The following TMEM132D variants were observed in gnomAD, a reference collection of about 807,000 sequenced individuals.
TMEM132D encodes the protein transmembrane protein 132D, also known as mature OL transmembrane protein.
TMEM132D carries 21 observed loss-of-function variants against 62.3 expected under a neutral mutation model. The observed-to-expected ratio is 0.34, with a 90% CI of 0.24 to 0.49. The LOEUF (loss-of-function observed/expected upper bound fraction) is 0.49, where lower values mean the gene tolerates loss of function less well. TMEM132D is among the 20% of genes least tolerant of loss of function. The pLI is 0.99. For missense variants in TMEM132D, 1,346 were observed against 1,402.8 expected (o/e 0.96, Z 0.65); for synonymous variants, 621 against 575.6 (o/e 1.08, Z -1.13).
intron 5 of TMEM132D, among the ~76,000 whole-genome samples, chr12:129,149,915 C>T (rs1877022606): frequency 1.3e-5 from 2 of 152,256 alleles, no homozygotes; most frequent in East Asian, 3.8e-4. Flanking sequence ...GTGTGTAAGA[C>T]TTTCATGCTT....
chr12:129,903,277 G>T lies in TMEM132D; in HGVS notation c.63C>A (p.Ala21=). 1 of 1,553,722 alleles carries T rather than the reference G, an allele frequency of 6.4e-7. No individual in the cohort carries two copies. The highest frequency in any genetic ancestry group is 8.7e-7 in the Non-Finnish European group (1 of 1,148,234). The part of the protein sequence containing the change: ...HHWSPVLISL[A]ALFSKVTEGR... ...CGTCCTCACCTTTGGAAAACAGGGC[G>T]GCCAGGCTGATGAGTACCGGCGACC... is the stretch of plus-strand genomic sequence containing the variant. The change falls in exon 1 of 9, where the codon GCC becomes GCA. Residue 21 remains alanine (A), a synonymous_variant. Coordinates refer to ENST00000422113, the MANE Select transcript of TMEM132D (RefSeq NM_133448.3). This position sits in a 1 kb window ranked among gnomAD's most constrained non-coding sequence, Gnocchi z 6.2.
At chr12:129,781,362 TGA>T (rs1871113198) in intron 1 of TMEM132D, among the ~76,000 whole-genome samples, 1 of 152,226 alleles carries the variant, frequency 6.6e-6, no homozygotes, top group Non-Finnish European at 1.5e-5. Flanking sequence ...TGGTCAGGTA[TGA>T]GACATGTTTC....
At chr12:129,683,051 C>T (rs537755031) in intron 2 of TMEM132D, 3 of 151,888 alleles carry the variant, frequency 2.0e-5, no homozygotes, top group South Asian at 4.2e-4. Flanking sequence ...ACTGGTAATC[C>T]CCAGCACCAA....
rs987627683 is a variant in TMEM132D, at chr12:129,211,759, G to T, written c.1300-2096C>A. Among the ~76,000 whole-genome samples the T allele has an allele frequency of 3.3e-5, 5 of 152,176 alleles. No homozygotes were observed. In the South Asian group the frequency reaches 6.2e-4, roughly 19 times the overall value. On this transcript the variant is annotated intron_variant, in intron 4 of 8. Coordinates refer to ENST00000422113, the MANE Select transcript of TMEM132D (RefSeq NM_133448.3). The stretch of plus-strand genomic sequence containing the variant: ...GTTGGAATATGCATAGGCCTTCAAA[G>T]TCCCATTATCCATACACTTTTTCTC...
chr12:129,790,621 G>GA lies in TMEM132D; in HGVS notation c.80-89924dup, dbSNP rs1240573990. Among the ~76,000 whole-genome samples, 8 of 152,244 alleles carry GA rather than the reference G, an allele frequency of 5.3e-5. No individual in the cohort carries two copies. In the East Asian group the frequency reaches 1.6e-3, roughly 30 times the overall value. On this transcript the variant is annotated intron_variant, in intron 1 of 8. Coordinates refer to ENST00000422113, the MANE Select transcript of TMEM132D (RefSeq NM_133448.3). ...GGAGCCTGGGGTTTTTACGGCACAG[G>GA]ATGGGGGGGCAGGGCAGGCCATGGG...
At chr12:129,344,377 G>A (rs568771084) in intron 3 of TMEM132D, among the ~76,000 whole-genome samples, 3 of 152,246 alleles carry the variant, frequency 2.0e-5, no homozygotes, top group South Asian at 4.1e-4. Context: ...AGAGGCCCCC[G>A]CCCCAAAGGA....
At chr12:129,153,740 G>C (rs1406776406) in intron 5 of TMEM132D, among the ~76,000 whole-genome samples, 6 of 152,304 alleles carry the variant, frequency 3.9e-5, no homozygotes, top group Non-Finnish European at 2.9e-5. Flanking sequence ...AGGGGCTCAG[G>C]TGTGCATCAG....
At chr12:129,824,712 C>T (rs1872619206) in intron 1 of TMEM132D, among the ~76,000 whole-genome samples, 1 of 152,336 alleles carries the variant, frequency 6.6e-6, no homozygotes, top group South Asian at 2.1e-4. Flanking sequence ...GACTTGCAGC[C>T]TTCAGACCAT....
At chr12:129,103,813 A>G (rs1875395234) in intron 5 of TMEM132D, among the ~76,000 whole-genome samples, 2 of 144,870 alleles carry the variant, frequency 1.4e-5, no homozygotes, top group African/African-American at 2.5e-5. Flanking sequence ...AGAATAAAAT[A>G]CCCAGGAATC....
intron 2 of TMEM132D, among the ~76,000 whole-genome samples, chr12:129,678,358 T>C (rs1880691649): frequency 6.6e-6 from 1 of 152,210 alleles, no homozygotes; most frequent in South Asian, 2.1e-4. Flanking sequence ...AATTATAACA[T>C]TGAAGCATTA....
At chr12:129,781,650 C>T (rs1045992352) in intron 1 of TMEM132D, among the ~76,000 whole-genome samples, 3 of 152,112 alleles carry the variant, frequency 2.0e-5, no homozygotes, top group African/African-American at 7.2e-5. Context: ...CATCTGCATC[C>T]CAGCCTGTAG....
At chr12:129,087,112 A>C (rs1874645290) in intron 5 of TMEM132D, among the ~76,000 whole-genome samples, 1 of 152,050 alleles carries the variant, frequency 6.6e-6, no homozygotes, top group Admixed American at 6.6e-5. Context: ...GAAACTTTCT[A>C]TCTTTGACCA....
chr12:129,609,224 A>T (rs567775600), intron 2 of TMEM132D, among the ~76,000 whole-genome samples: 4 of 152,142 alleles, frequency 2.6e-5, no homozygotes, highest in Admixed American at 1.3e-4. Context: ...GGATTACAGG[A>T]GTGAGCCACC....
intron 5 of TMEM132D, among the ~76,000 whole-genome samples, chr12:129,096,655 T>C (rs1875125991): frequency 6.6e-6 from 1 of 152,168 alleles, no homozygotes; most frequent in African/African-American, 2.4e-5. Flanking sequence ...TGACAGTGCT[T>C]TCTGGAAGAA....
chr12:129,481,098 C>CTGAGAGG (rs1874416089), intron 3 of TMEM132D, among the ~76,000 whole-genome samples: 1 of 151,976 alleles, frequency 6.6e-6, no homozygotes, highest in Non-Finnish European at 1.5e-5. Context: ...AGAACAAGGT[C>CTGAGAGG]CAAGGTGCCT....
chr12:129,275,809 C>T (rs913769207), intron 4 of TMEM132D, among the ~76,000 whole-genome samples: 55 of 152,150 alleles, frequency 3.6e-4, no homozygotes, highest in African/African-American at 1.3e-3. Flanking sequence ...GAGCAGGTCC[C>T]AGAAATAAGA....
Position 129,225,608 on chromosome 12 carries a change from T to C in TMEM132D, c.1300-15945A>G, listed in dbSNP as rs536342928. On this transcript the variant is annotated intron_variant, in intron 4 of 8. Transcript: ENST00000422113. ...AGTAGTATCTACCACAGAGAGTTCTTATGCGGATCCAATGAGTTAACGCAG... is the reference window on the plus strand; with the variant it reads ...AGTAGTATCTACCACAGAGAGTTCTCATGCGGATCCAATGAGTTAACGCAG... Among the ~76,000 whole-genome samples the C allele has an allele frequency of 5.9e-5, 9 of 152,368 alleles. No homozygotes were observed. In the South Asian group the frequency reaches 1.9e-3, roughly 32 times the overall value.
intron 1 of TMEM132D, among the ~76,000 whole-genome samples, chr12:129,773,976 A>G (rs1032881818): frequency 6.6e-6 from 1 of 152,210 alleles, no homozygotes; most frequent in Admixed American, 6.5e-5. Flanking sequence ...GGTCCTTGGT[A>G]CCAGGAGCAT....
intron 4 of TMEM132D, among the ~76,000 whole-genome samples, chr12:129,276,239 G>A (rs909919156): frequency 1.2e-4 from 19 of 152,046 alleles, no homozygotes; most frequent in Non-Finnish European, 2.9e-5. Flanking sequence ...ATTTCTCTTC[G>A]TATTATTACC....
Sources: gnomAD v4.1 joint callset for allele counts (sites outside exome capture counted in the v4.1 genomes callset) on GRCh38, gnomAD v4.1.1 for gene constraint, Gnocchi (gnomAD v3.1) non-coding constraint, MANE v1.5 for transcripts, NCBI Gene and HGNC (gene_info 2026-07-23, HGNC 2026-07-21) for gene names.